Variants in DLGAP2 observed in about 807,000 individuals in gnomAD.
DLGAP2 encodes the protein disks large-associated protein 2.
A neutral mutation model predicts 100.3 loss-of-function variants in DLGAP2; 26 were observed. That is an observed-to-expected ratio of 0.26 (90% CI 0.19 to 0.36). The LOEUF (loss-of-function observed/expected upper bound fraction) is 0.36, where lower values mean the gene tolerates loss of function less well. Ranked by LOEUF, DLGAP2 falls within the 10% of genes least tolerant of loss-of-function variation. The probability of loss-of-function intolerance (pLI) is 1.00; values close to 1 mark genes in which losing one functional copy is unlikely to be tolerated. For missense variants in DLGAP2, 1,858 were observed against 1,453.2 expected (o/e 1.28, Z -4.53); for synonymous variants, 886 against 630.1 (o/e 1.41, Z -6.08).
At chr8:976,783 C>A (rs1800175591) in intron 2 of DLGAP2, among the ~76,000 whole-genome samples, 1 of 152,072 alleles carries the variant, frequency 6.6e-6, no homozygotes, top group South Asian at 2.1e-4. Context: ...TTATAAAAAA[C>A]ATAACTGAAA....
chr8:741,285 T>C (rs962658253), intron 1 of DLGAP2, among the ~76,000 whole-genome samples: 6 of 152,244 alleles, frequency 3.9e-5, no homozygotes, highest in African/African-American at 1.4e-4. Flanking sequence ...CATCTACTGG[T>C]AGCCACCTTT....
At chr8:795,294 C>T (rs1156535090) in intron 1 of DLGAP2, among the ~76,000 whole-genome samples, 1 of 152,320 alleles carries the variant, frequency 6.6e-6, no homozygotes, top group East Asian at 1.9e-4. Flanking sequence ...TTAATATCTA[C>T]TGCTGACTCA....
intron 3 of DLGAP2, among the ~76,000 whole-genome samples, chr8:1,345,146 T>G (rs918799364): frequency 1.0e-5 from 1 of 96,720 alleles, no homozygotes; most frequent in African/African-American, 3.3e-5. Context: ...GGTACAGTGT[T>G]GAGACCAAGG....
At chr8:1,348,062 G>C (rs1801608680) in intron 3 of DLGAP2, among the ~76,000 whole-genome samples, 1 of 151,352 alleles carries the variant, frequency 6.6e-6, no homozygotes, top group South Asian at 2.1e-4. Flanking sequence ...GAGCTGCGCT[G>C]CTCTCATGGT....
intron 5 of DLGAP2, among the ~76,000 whole-genome samples, chr8:1,563,556 G>A (rs1292326804): frequency 6.6e-6 from 1 of 151,830 alleles, no homozygotes; most frequent in African/African-American, 2.4e-5. Context: ...GGGTGTCCGC[G>A]CCTCGTTGCT....
intron 3 of DLGAP2, among the ~76,000 whole-genome samples, chr8:1,295,567 G>A (rs550075046): frequency 2.6e-5 from 4 of 152,312 alleles, no homozygotes; most frequent in East Asian, 1.9e-4. Context: ...GTCAGCCCCC[G>A]CTCCTGGAAA....
At chr8:1,515,903 A>G (rs923988599) in intron 4 of DLGAP2, among the ~76,000 whole-genome samples, 3 of 152,202 alleles carry the variant, frequency 2.0e-5, no homozygotes, top group Non-Finnish European at 1.5e-5. Context: ...GCTTATTACA[A>G]TGTGCAGTTC....
intron 2 of DLGAP2, among the ~76,000 whole-genome samples, chr8:1,045,645 C>A (rs1802493640): frequency 6.6e-6 from 1 of 152,208 alleles, no homozygotes. Context: ...ACCGCGCCCC[C>A]ACCCAGGTCC....
rs77513325 is a variant in DLGAP2, at chr8:1,427,956, A to G, written c.107-73410A>G. Among the ~76,000 whole-genome samples the G allele has an allele frequency of 2.3e-3, 356 of 152,342 alleles. 15 individuals are homozygous for G. The East Asian group carries it at 0.061, about 26-fold the overall frequency. ...TGGAATTAATATAAAATGAACTTAT[A>G]TCAGTATTTGTAGGAAGACAGCTAA... is the stretch of plus-strand genomic sequence containing the variant. On this transcript the variant is annotated intron_variant, in intron 3 of 14. Transcript: ENST00000637795.
intron 3 of DLGAP2, among the ~76,000 whole-genome samples, chr8:1,449,135 T>G (rs1261033261): frequency 6.6e-6 from 1 of 152,160 alleles, no homozygotes; most frequent in Non-Finnish European, 1.5e-5. Flanking sequence ...TTCTCTTTCC[T>G]CTCATCTTCC....
At chr8:1,255,431 A>T (rs1200903433) in intron 2 of DLGAP2, among the ~76,000 whole-genome samples, 36 of 62,448 alleles carry the variant, frequency 5.8e-4, no homozygotes, top group East Asian at 1.1e-3. Context: ...GTGTGTCCTC[A>T]TCCTGCCCGA....
At chr8:1,436,405 G>T (rs578077970) in intron 3 of DLGAP2, among the ~76,000 whole-genome samples, 1 of 152,150 alleles carries the variant, frequency 6.6e-6, no homozygotes, top group Non-Finnish European at 1.5e-5. Context: ...TCCTCTGCCT[G>T]CTTTTATCCT....
chr8:1,471,655 C>T (rs1006082923), intron 3 of DLGAP2, among the ~76,000 whole-genome samples: 4 of 151,138 alleles, frequency 2.6e-5, no homozygotes, highest in African/African-American at 9.8e-5. Context: ...AACAACCACC[C>T]CACACACCTC....
At chr8:747,307 G>A (rs1010742311) in intron 1 of DLGAP2, among the ~76,000 whole-genome samples, 1 of 152,046 alleles carries the variant, frequency 6.6e-6, no homozygotes, top group Admixed American at 6.5e-5. Flanking sequence ...GACAGGGAAG[G>A]AGAAACCTCC....
rs760684615 is a variant in DLGAP2, at chr8:1,706,978, C to T, written c.*5572C>T. 6.6e-6 allele frequency: 1 copy of T among 152,596 alleles called. No homozygotes were observed. The highest frequency in any genetic ancestry group is 1.5e-5 in the Non-Finnish European group (1 of 68,034). 9.5% of individuals were successfully genotyped at this position (152,596 alleles called of 1,614,324 possible). ...TTATGAATTGCTGTCCTAACCCTGG[C>T]GTTTTTATCCAGTGTTAAAATAAAT... On this transcript the variant is annotated 3_prime_UTR_variant, in exon 15 of 15. Transcript: ENST00000637795.
chr8:861,351 C>T (rs918870733), intron 1 of DLGAP2, among the ~76,000 whole-genome samples: 2 of 152,152 alleles, frequency 1.3e-5, no homozygotes, highest in Non-Finnish European at 2.9e-5. Context: ...GGTGTCTGCA[C>T]GGGGTCCTGG....
At chr8:1,075,948 G>T (rs1007750012) in intron 2 of DLGAP2, among the ~76,000 whole-genome samples, 1 of 152,072 alleles carries the variant, frequency 6.6e-6, no homozygotes, top group Non-Finnish European at 1.5e-5. Flanking sequence ...AAAAATCACA[G>T]GATGGTCTGG....
At chr8:895,400 C>G (rs962880391) in intron 1 of DLGAP2, among the ~76,000 whole-genome samples, 7 of 152,164 alleles carry the variant, frequency 4.6e-5, no homozygotes, top group African/African-American at 1.4e-4. Flanking sequence ...TGCTGAGACA[C>G]AGCAGCTCTT....
At position 1,703,675 on chromosome 8, in the gene DLGAP2, C is replaced by G. The variant is rs1025345954; in HGVS notation, c.*2269C>G. The G allele has an allele frequency of 6.6e-6, 1 of 152,176 alleles. No individual in the cohort carries two copies. Among genetic ancestry groups the G allele is most frequent in the African/African-American group, 2.4e-5 (1 of 41,432 alleles). The allele number at this position is 152,176 out of a possible 1,614,324, so 9.4% of individuals were successfully genotyped here. On this transcript the variant is annotated 3_prime_UTR_variant, in exon 15 of 15. Coordinates refer to ENST00000637795, the MANE Select transcript of DLGAP2 (RefSeq NM_001346810.2). ...TGAGCTTATACAAAACATAGAAAAG[C>G]AAACTGTTAAAGTAGTCAATAATTA...
Sources: allele counts gnomAD v4.1 joint callset (sites outside exome capture counted in the v4.1 genomes callset), GRCh38; gene constraint gnomAD v4.1.1; transcripts MANE v1.5; gene names NCBI Gene and HGNC (gene_info 2026-07-23, HGNC 2026-07-21).